The following PCDHGA10 variants were observed in gnomAD, a reference collection of about 807,000 sequenced individuals.
The protein encoded by PCDHGA10 is protocadherin gamma-A10.
A neutral mutation model predicts 59.5 loss-of-function variants in PCDHGA10; 42 were observed. The observed-to-expected ratio is 0.71, with a 90% CI of 0.55 to 0.91. PCDHGA10 has a LOEUF of 0.91. Ranked by LOEUF, PCDHGA10 falls within the 40% of genes least tolerant of loss-of-function variation. The pLI, the probability that PCDHGA10 is intolerant of heterozygous loss-of-function variation, is 0.00. For synonymous variants in PCDHGA10, 511 were observed against 517.2 expected, an observed-to-expected ratio of 0.99 and a Z score of 0.16; for missense variants, 1,111 against 1,198.2, an observed-to-expected ratio of 0.93 and a Z score of 1.07.
intron 1 of PCDHGA10, chr5:141,420,568 T>C (rs2096507107): frequency 8.5e-6 from 2 of 235,080 alleles, no homozygotes; most frequent in African/African-American, 2.3e-5. Flanking sequence ...CGGCATGGTA[T>C]TTTAATTGAA....
At chr5:141,419,174 A>G (rs1283454889) in intron 1 of PCDHGA10, 1 of 1,613,840 alleles carries the variant, frequency 6.2e-7, no homozygotes, top group East Asian at 2.2e-5. Flanking sequence ...CAAAACCATA[A>G]CCCTGCACAT....
In PCDHGA10 at chr5:141,432,596, G is replaced by T; in HGVS notation, c.2436+16985G>T. On this transcript the variant is annotated intron_variant, in intron 1 of 3. Transcript: ENST00000398610. This position sits in a 1 kb window ranked among gnomAD's most constrained non-coding sequence, Gnocchi z 6.0. The stretch of plus-strand genomic sequence containing the variant: ...GTCCTACCGTCTGCTCAAGGCCAGC[G>T]AGCCGGGACTCTTCTCGGTGGGTCT... 6.8e-6 allele frequency: 11 copies of T among 1,613,926 alleles called. No individual in the cohort carries two copies. The highest frequency in any genetic ancestry group is 9.3e-6 in the Non-Finnish European group (11 of 1,179,972).
At chr5:141,509,507 T>G (rs2099877110) in intron 3 of PCDHGA10, among the ~76,000 whole-genome samples, 1 of 151,792 alleles carries the variant, frequency 6.6e-6, no homozygotes, top group African/African-American at 2.4e-5. Flanking sequence ...GATGTGACGG[T>G]GTTGATGATG....
chr5:141,492,071 C>T (rs992716777), intron 1 of PCDHGA10: 7 of 481,874 alleles, frequency 1.5e-5, no homozygotes, highest in African/African-American at 1.4e-4. Context: ...CTCCTAGGCG[C>T]CGGCTCCGGC....
rs562156266 is a variant in PCDHGA10, at chr5:141,467,826, T to C, written c.2437-26981T>C. On this transcript the variant is annotated intron_variant, in intron 1 of 3. Transcript: ENST00000398610. ...GGCACATGCCACCACACCAGGCTGA[T>C]TTTTATATTTTTTTGTAGAATGAGA... Among the ~76,000 whole-genome samples, 96 of 151,894 alleles carry C rather than the reference T, an allele frequency of 6.3e-4. 3 individuals carry two copies. Among genetic ancestry groups the C allele is most frequent in the Admixed American group, 6.2e-3 (95 of 15,236 alleles).
chr5:141,439,830 C>T (rs2098134193), intron 1 of PCDHGA10: 1 of 152,352 alleles, frequency 6.6e-6, no homozygotes, highest in South Asian at 2.1e-4. Context: ...GCTGGAGCAG[C>T]AGCAACTCTA....
chr5:141,427,109 C>A lies in PCDHGA10; in HGVS notation c.2436+11498C>A, dbSNP rs141512367. On this transcript the variant is annotated intron_variant, in intron 1 of 3. Coordinates refer to ENST00000398610, the MANE Select transcript of PCDHGA10 (RefSeq NM_018913.3). ...AGGATGAGGGTGTCAATGCGGAGAT[C>A]ACCTACTCTTTCAAATCCCTACGAG... 1,737 of 457,784 alleles carry A rather than the reference C, an allele frequency of 3.8e-3. 17 individuals carry two copies. Among genetic ancestry groups the A allele is most frequent in the Admixed American group, 0.01 (426 of 42,600 alleles). 28.4% of individuals were successfully genotyped at this position (457,784 alleles called of 1,614,324 possible). A position where few individuals can be genotyped will look rare whatever the true frequency, so the allele number is the denominator to read the frequency against.
intron 1 of PCDHGA10, among the ~76,000 whole-genome samples, chr5:141,481,148 C>G (rs2099532606): frequency 6.6e-6 from 1 of 152,176 alleles, no homozygotes; most frequent in Non-Finnish European, 1.5e-5. Context: ...AAGTGTTATT[C>G]TGGTATTTGC....
At chr5:141,478,050 C>T (rs2099429383) in intron 1 of PCDHGA10, 1 of 1,614,066 alleles carries the variant, frequency 6.2e-7, no homozygotes, top group Non-Finnish European at 8.5e-7. Flanking sequence ...CAGACTCTCA[C>T]GGTCTTGATC....
intron 1 of PCDHGA10, among the ~76,000 whole-genome samples, chr5:141,455,650 C>T (rs1176718096): frequency 2.6e-5 from 4 of 151,994 alleles, no homozygotes; most frequent in African/African-American, 9.7e-5. Flanking sequence ...AGCCATGTGG[C>T]CAGGAACTTG....
chr5:141,468,860 C>A (rs941902317), intron 1 of PCDHGA10, among the ~76,000 whole-genome samples: 16 of 151,980 alleles, frequency 1.1e-4, no homozygotes, highest in Admixed American at 4.6e-4. Context: ...AGCGAGACTC[C>A]ATCTCAAAAA....
At position 141,489,494 on chromosome 5, in the gene PCDHGA10, C is replaced by A. The variant is rs1191408769; in HGVS notation, c.2437-5313C>A. ...CTGAGCTTGATGAGTGGTGCCCTGGCAGTGAATCAAAAGATTGACCGAGAA... is the reference window on the plus strand; with the variant it reads ...CTGAGCTTGATGAGTGGTGCCCTGGAAGTGAATCAAAAGATTGACCGAGAA... On this transcript the variant is annotated intron_variant, in intron 1 of 3. Coordinates refer to ENST00000398610, the MANE Select transcript of PCDHGA10 (RefSeq NM_018913.3). This position sits in a 1 kb window ranked among gnomAD's most constrained non-coding sequence, Gnocchi z 4.5. 1.1e-5 allele frequency: 18 copies of A among 1,613,932 alleles called. No individual in the cohort carries two copies. The highest frequency in any genetic ancestry group is 1.7e-5 in the Admixed American group (1 of 59,998).
At chr5:141,419,686 G>A (rs551990092) in intron 1 of PCDHGA10, 2 of 1,612,760 alleles carry the variant, frequency 1.2e-6, no homozygotes, top group Non-Finnish European at 1.7e-6. Flanking sequence ...ACCACGTGGT[G>A]CAGGCCAGTG....
chr5:141,431,474 G>T lies in PCDHGA10; in HGVS notation c.2436+15863G>T, dbSNP rs747313827. 3.7e-6 allele frequency: 6 copies of T among 1,613,842 alleles called. No homozygotes were observed. The South Asian group carries it at 6.6e-5, about 18-fold the overall frequency. ...GATGGTTCTGGATGCGAACGACAAC[G>T]CACCAGCGTTTGCTCAGCCCGAGTA... is the stretch of plus-strand genomic sequence containing the variant. On this transcript the variant is annotated intron_variant, in intron 1 of 3. Transcript: ENST00000398610. The surrounding 1 kb of genome is among the most constrained non-coding windows in gnomAD (Gnocchi z 4.8).
In PCDHGA10 at chr5:141,476,264, G is replaced by A. The variant is rs753184649; in HGVS notation, c.2437-18543G>A. The A allele has an allele frequency of 2.5e-6, 4 of 1,614,082 alleles. No individual in the cohort carries two copies. The highest frequency in any genetic ancestry group is 3.4e-6 in the Non-Finnish European group (4 of 1,180,010). Reference sequence around the variant, plus strand: ...AGAGAAGGGTTTCGCTGTGGGCAACGTGGTCGCGAACCTTGGTTTGGATCT... The same window carrying A: ...AGAGAAGGGTTTCGCTGTGGGCAACATGGTCGCGAACCTTGGTTTGGATCT... On this transcript the variant is annotated intron_variant, in intron 1 of 3. Coordinates refer to ENST00000398610, the MANE Select transcript of PCDHGA10 (RefSeq NM_018913.3). The surrounding 1 kb of genome is among the most constrained non-coding windows in gnomAD (Gnocchi z 7.6).
rs564197257 is a variant in PCDHGA10, at chr5:141,458,715, A to G, written c.2437-36092A>G. On this transcript the variant is annotated intron_variant, in intron 1 of 3. Coordinates refer to ENST00000398610, the MANE Select transcript of PCDHGA10 (RefSeq NM_018913.3). ...CTCCCGAGTAGCTGGGATTACAGGT[A>G]TTCGCCACCACATCCAGCTATTGGT... Among the ~76,000 whole-genome samples the G allele has an allele frequency of 3.9e-5, 6 of 152,082 alleles. No homozygotes were observed. The East Asian group carries it at 9.7e-4, about 25-fold the overall frequency.
intron 1 of PCDHGA10, chr5:141,419,497 G>A (rs1357823931): frequency 6.2e-7 from 1 of 1,612,390 alleles, no homozygotes; most frequent in South Asian, 1.1e-5. Context: ...GCGCCAATGT[G>A]AGCCTGCGCG....
chr5:141,465,865 G>A (rs374058078), intron 1 of PCDHGA10, among the ~76,000 whole-genome samples: 7 of 151,900 alleles, frequency 4.6e-5, no homozygotes, highest in African/African-American at 1.7e-4. Flanking sequence ...GCTCATGCCT[G>A]TAATCCCAGC....
At chr5:141,422,458 C>T (rs375149811) in intron 1 of PCDHGA10, 264 of 1,613,148 alleles carry the variant, frequency 1.6e-4, no homozygotes, top group Non-Finnish European at 2.1e-4. Context: ...AAGCAGAGTG[C>T]TGGACAGGGA....
Sources: gnomAD v4.1 joint callset for allele counts (sites outside exome capture counted in the v4.1 genomes callset) on GRCh38, gnomAD v4.1.1 for gene constraint, Gnocchi (gnomAD v3.1) non-coding constraint, MANE v1.5 for transcripts, NCBI Gene and HGNC (gene_info 2026-07-23, HGNC 2026-07-21) for gene names.